Variants in ADAM12 observed in about 807,000 individuals in gnomAD.
ADAM12 encodes the protein ADAM metallopeptidase domain 12, also known as disintegrin and metalloproteinase domain-containing protein 12.
A neutral mutation model predicts 106.4 loss-of-function variants in ADAM12; 70 were observed. That is an observed-to-expected ratio of 0.66 (90% CI 0.54 to 0.80). The LOEUF is 0.80. Ranked by LOEUF, ADAM12 falls within the 30% of genes least tolerant of loss-of-function variation. The pLI is 0.00. For missense variants in ADAM12, 1,010 were observed against 1,171.9 expected (o/e 0.86, Z 2.02); for synonymous variants, 420 against 433.5 (o/e 0.97, Z 0.39).
At chr10:126,301,835 T>A (rs1324047091) in intron 2 of ADAM12, among the ~76,000 whole-genome samples, 1 of 152,212 alleles carries the variant, frequency 6.6e-6, no homozygotes, top group African/African-American at 2.4e-5. Context: ...TACATACTCT[T>A]ACATCCTCCC....
chr10:126,084,240 C>T lies in ADAM12; in HGVS notation c.1145+9745G>A, dbSNP rs75128274. Among the ~76,000 whole-genome samples, 668 of 152,280 alleles carry T rather than the reference C, an allele frequency of 4.4e-3. 11 individuals are homozygous for T. The highest frequency in any genetic ancestry group is 0.034 in the Admixed American group (527 of 15,296). On this transcript the variant is annotated intron_variant, in intron 11 of 22. Coordinates refer to ENST00000448723, the MANE Select transcript of ADAM12 (RefSeq NM_001288973.2). ...TGTACAGGAAGCTTCTGGACGTTAC[C>T]AGAAAGTGGACTTTTCACTTCTGAG...
chr10:126,101,377 C>T (rs1955664760), intron 8 of ADAM12, 136 bp from the exon 9 acceptor site: 3 of 858,968 alleles, frequency 3.5e-6, no homozygotes, highest in South Asian at 1.9e-5. Flanking sequence ...TCTTTGGTTC[C>T]TGTGGTGTTG....
At chr10:126,368,011 C>A (rs1855970860) in intron 1 of ADAM12, among the ~76,000 whole-genome samples, 1 of 151,528 alleles carries the variant, frequency 6.6e-6, no homozygotes, top group Non-Finnish European at 1.5e-5. Flanking sequence ...ACATAAAATC[C>A]TTAAAATATT....
intron 9 of ADAM12, among the ~76,000 whole-genome samples, chr10:126,100,676 C>T (rs1296154998): frequency 3.3e-5 from 5 of 152,076 alleles, no homozygotes; most frequent in African/African-American, 1.2e-4. Context: ...GATCATGCCA[C>T]TGCACTCCAG....
chr10:126,041,764 AC>A (rs1479472855), intron 18 of ADAM12: 1 of 1,069,786 alleles, frequency 9.3e-7, no homozygotes, highest in Non-Finnish European at 1.1e-6. Flanking sequence ...ACTGGGCCCA[AC>A]CCTTGCTTCT....
At position 126,194,302 on chromosome 10, in the gene ADAM12, G is replaced by T. The variant is rs903059653; in HGVS notation, c.261-38997C>A. On this transcript the variant is annotated intron_variant, in intron 3 of 22. Transcript: ENST00000448723. ...TCAAAAAAAAAAAAAAAAAAAAAAA[G>T]CTTTCTGGACACTGTCAGCCCACCT... Among the ~76,000 whole-genome samples, 5 of 96,272 alleles carry T rather than the reference G, an allele frequency of 5.2e-5. No homozygotes were observed. In the East Asian group the frequency reaches 1.4e-3, roughly 28 times the overall value. The allele number at this position is 96,272 out of a possible 152,430, so 63.2% of individuals were successfully genotyped here. A position where few individuals can be genotyped will look rare whatever the true frequency, so the allele number is the denominator to read the frequency against.
intron 3 of ADAM12, among the ~76,000 whole-genome samples, chr10:126,192,420 A>G (rs2927507): frequency 0.027 from 4,149 of 152,284 alleles, 197 homozygotes; most frequent in African/African-American, 0.094. Flanking sequence ...ACACAGGGAC[A>G]TCAGCTTTAC....
chr10:126,052,800 G>C (rs908314201), intron 14 of ADAM12, among the ~76,000 whole-genome samples: 4 of 152,190 alleles, frequency 2.6e-5, no homozygotes, highest in African/African-American at 7.2e-5. Flanking sequence ...AGGAAGTCAA[G>C]CAAAGGCATG....
intron 2 of ADAM12, among the ~76,000 whole-genome samples, chr10:126,319,595 C>G (rs1371278268): frequency 6.6e-6 from 1 of 152,246 alleles, no homozygotes; most frequent in South Asian, 2.1e-4. Flanking sequence ...CCAAGAGGAG[C>G]CTTCAGAGAC....
At chr10:126,358,180 A>C (rs1336158213) in intron 1 of ADAM12, among the ~76,000 whole-genome samples, 2 of 151,480 alleles carry the variant, frequency 1.3e-5, no homozygotes, top group Non-Finnish European at 2.9e-5. Context: ...CCGTCTCAAA[A>C]AAAAAAAAAA....
intron 1 of ADAM12, among the ~76,000 whole-genome samples, chr10:126,341,820 T>C (rs567105010): frequency 6.6e-6 from 1 of 152,328 alleles, no homozygotes; most frequent in African/African-American, 2.4e-5. Flanking sequence ...GGGTGATGAT[T>C]TGAATTTGAA....
chr10:126,351,613 T>A, intron 1 of ADAM12, among the ~76,000 whole-genome samples: 1 of 152,082 alleles, frequency 6.6e-6, no homozygotes, highest in South Asian at 2.1e-4. Flanking sequence ...ACATGCTACA[T>A]CAACATGCTG....
chr10:126,078,933 T>C (rs1421461492), intron 11 of ADAM12, among the ~76,000 whole-genome samples: 1 of 152,146 alleles, frequency 6.6e-6, no homozygotes, highest in African/African-American at 2.4e-5. Context: ...CAGAAGGTGA[T>C]TGATTAATCC....
At chr10:126,250,299 T>C (rs1196298731) in intron 3 of ADAM12, among the ~76,000 whole-genome samples, 1 of 152,200 alleles carries the variant, frequency 6.6e-6, no homozygotes, top group East Asian at 1.9e-4. Flanking sequence ...ATAGATAAGA[T>C]TTGAGAACAA....
chr10:126,202,910 C>T (rs1466143682), intron 3 of ADAM12, among the ~76,000 whole-genome samples: 1 of 152,010 alleles, frequency 6.6e-6, no homozygotes, highest in Admixed American at 6.6e-5. Context: ...AAAATGTCTC[C>T]TTTCAAGACT....
intron 3 of ADAM12, among the ~76,000 whole-genome samples, chr10:126,237,952 T>C (rs1958450691): frequency 6.6e-6 from 1 of 152,196 alleles, no homozygotes; most frequent in African/African-American, 2.4e-5. Flanking sequence ...ACACCGTTTG[T>C]TGAATTTAGG....
chr10:126,373,603 A>G (rs543161135), intron 1 of ADAM12, among the ~76,000 whole-genome samples: 1 of 152,330 alleles, frequency 6.6e-6, no homozygotes, highest in Non-Finnish European at 1.5e-5. Context: ...AGTTCCTGGC[A>G]CAAATCTGGG....
At chr10:126,293,877 C>G (rs1019745789) in intron 2 of ADAM12, among the ~76,000 whole-genome samples, 1 of 152,162 alleles carries the variant, frequency 6.6e-6, no homozygotes, top group African/African-American at 2.4e-5. Flanking sequence ...TCCATGAAGG[C>G]CCAGGTAGAG....
intron 1 of ADAM12, among the ~76,000 whole-genome samples, chr10:126,386,517 C>A (rs1304102014): frequency 6.6e-6 from 1 of 152,158 alleles, no homozygotes; most frequent in African/African-American, 2.4e-5. Context: ...ATTCAAAGTG[C>A]TTAGGCCTCC....
Sources: gnomAD v4.1 joint callset for allele counts (sites outside exome capture counted in the v4.1 genomes callset) on GRCh38, gnomAD v4.1.1 for gene constraint, MANE v1.5 for transcripts, NCBI Gene and HGNC (gene_info 2026-07-23, HGNC 2026-07-21) for gene names.